Variants in SCRIB observed in about 807,000 individuals in gnomAD.
SCRIB encodes the protein protein scribble homolog.
A neutral mutation model predicts 170.0 loss-of-function variants in SCRIB; 72 were observed. The observed-to-expected ratio is 0.42, with a 90% confidence interval of 0.35 to 0.52. SCRIB has a LOEUF of 0.52. Among genes scored for constraint, SCRIB ranks in the 20% least tolerant of loss-of-function variants. The pLI is 0.02. For missense variants in SCRIB, 2,475 were observed against 2,338.5 expected (o/e 1.06, Z -1.20); for synonymous variants, 1,298 against 1,044.3 (o/e 1.24, Z -4.68).
In SCRIB at chr8:143,793,073, G is replaced by A. The variant is rs781802506; in HGVS notation, c.3920C>T (p.Pro1307Leu). Residue 1307 changes from proline to leucine, a missense_variant, in exon 29 of 37, where the codon CCG becomes CTG. Pro to Leu is a moderately conservative substitution (Grantham distance 98). Around this residue, in one of 3 missense-constraint regions of SCRIB, gnomAD observed 1,966 missense variants for 1,742.9 expected, o/e 1.13. Coordinates refer to ENST00000356994, the MANE Select transcript of SCRIB (RefSeq NM_182706.5). ...CSPSGQQPPSPPSPDELPANV... is the reference protein window; with the variant it reads ...CSPSGQQPPSLPSPDELPANV... ...GGCGGGCAGCTCATCCGGAGAAGGC[G>A]GGGAGGGCGGCTGGGGGGTGGGGCT... is the stretch of plus-strand genomic sequence containing the variant. 3.3e-5 allele frequency: 49 copies of A among 1,481,644 alleles called. No homozygotes were observed. The highest frequency in any genetic ancestry group is 4.0e-4 in the Middle Eastern group (2 of 5,022). The allele number at this position is 1,481,644 out of a possible 1,614,324, so 91.8% of individuals were successfully genotyped here.
intron 8 of SCRIB, 140 bp from the exon 9 acceptor site, chr8:143,812,524 T>A: frequency 1.6e-6 from 1 of 620,426 alleles, no homozygotes; most frequent in Middle Eastern, 3.2e-4. Flanking sequence ...GGACCCTACC[T>A]ACCTTGCCCC....
At chr8:143,810,443 C>A in intron 13 of SCRIB, 36 bp downstream of exon 13, 3 of 1,596,592 alleles carry the variant, frequency 1.9e-6, no homozygotes, top group Non-Finnish European at 2.5e-6. Context: ...GCTCCCGGGT[C>A]AGCGGCCCGC....
chr8:143,803,776 G>A lies in SCRIB; in HGVS notation c.3285C>T (p.Pro1095=). 2 of 1,602,308 alleles carry A rather than the reference G, an allele frequency of 1.2e-6. No individual in the cohort carries two copies. Among genetic ancestry groups the A allele is most frequent in the Non-Finnish European group, 8.5e-7 (1 of 1,179,436 alleles). Residue 1095 remains proline, a synonymous_variant, in exon 23 of 37, where the codon CCC becomes CCT. Coordinates refer to ENST00000356994, the MANE Select transcript of SCRIB (RefSeq NM_182706.5). ...LSLLVRRDPA[P]PGLRELCIQK... ...GGATGCACAGTTCCCGTAGGCCCGG[G>A]GGTGCCGGGTCCCTCCGCACCAGCA...
chr8:143,802,725 C>G (rs988820903), intron 24 of SCRIB, among the ~76,000 whole-genome samples: 2 of 152,238 alleles, frequency 1.3e-5, no homozygotes, highest in Non-Finnish European at 2.9e-5. Context: ...GAGATGGGAG[C>G]CCCCTGAGAC....
Position 143,812,164 on chromosome 8 carries a change from G to C in SCRIB, c.906+102C>G, listed in dbSNP as rs1815761829. ...CCCTTCCTGAGTGGCTCCACGTCAGGCTGCCACCAGCACCCCCCAGCAGCA... is the reference window on the plus strand; with the variant it reads ...CCCTTCCTGAGTGGCTCCACGTCAGCCTGCCACCAGCACCCCCCAGCAGCA... On this transcript the variant is annotated intron_variant, in intron 9 of 36. Coordinates refer to ENST00000356994, the MANE Select transcript of SCRIB (RefSeq NM_182706.5). 1.2e-5 allele frequency: 10 copies of C among 823,740 alleles called. No homozygotes were observed. The East Asian group carries it at 2.4e-4, about 20-fold the overall frequency. 51.0% of individuals were successfully genotyped at this position (823,740 alleles called of 1,614,324 possible).
chr8:143,811,067 T>C lies in SCRIB; in HGVS notation c.1112A>G (p.Gln371Arg). Residue 371 changes from glutamine to arginine, a missense_variant, in exon 11 of 37, where the codon CAG (glutamine) becomes CGG (arginine). Coordinates refer to ENST00000356994, the MANE Select transcript of SCRIB (RefSeq NM_182706.5). ...HVLDVAGNRL[Q>R]SLPFALTHLN... Reference sequence around the variant, plus strand: ...GTGGGTGAGCGCGAACGGCAGACTCTGCAGGCTGCGGGCCGGGCGGGCACA... The same window carrying C: ...GTGGGTGAGCGCGAACGGCAGACTCCGCAGGCTGCGGGCCGGGCGGGCACA... 1 of 1,611,422 alleles carries C rather than the reference T, an allele frequency of 6.2e-7. No individual in the cohort carries two copies. Among genetic ancestry groups the C allele is most frequent in the Non-Finnish European group, 8.5e-7 (1 of 1,179,298 alleles).
In SCRIB at chr8:143,806,952, C is replaced by A; in HGVS notation, c.2240G>T (p.Gly747Val). The A allele has an allele frequency of 1.2e-6, 2 of 1,613,240 alleles. No individual in the cohort carries two copies. Among genetic ancestry groups the A allele is most frequent in the East Asian group, 2.2e-5 (1 of 44,846 alleles). The stretch of plus-strand genomic sequence containing the variant: ...GTCGTCCCCCTTATAGGGTGTGGAG[C>A]CCTTGCCGCCCGCAATGCTGATGCC... Reference protein sequence around the residue: ...GLGISIAGGKGSTPYKGDDEG... With the variant: ...GLGISIAGGKVSTPYKGDDEG... The change falls in exon 17 of 37, where the codon GGC becomes GTC. Residue 747 changes from glycine (G) to valine (V), a missense_variant. Around this residue, in one of 3 missense-constraint regions of SCRIB, gnomAD observed 1,966 missense variants for 1,742.9 expected, o/e 1.13. Transcript: ENST00000356994.
Position 143,810,540 on chromosome 8 carries a change from C to A in SCRIB, c.1469G>T (p.Gly490Val). ...ELKVMKRSIE[G>V]RRSEACPCQP... The stretch of plus-strand genomic sequence containing the variant: ...GCAAGGGCAGGCCTCGCTCCGCCGC[C>A]CCTCGATGCTCCTCTTCATCACCTT... The change falls in exon 13 of 37, where the codon GGG becomes GTG. Residue 490 changes from glycine to valine, a missense_variant. Coordinates refer to ENST00000356994, the MANE Select transcript of SCRIB (RefSeq NM_182706.5). 1 of 1,613,430 alleles carries A rather than the reference C, an allele frequency of 6.2e-7. No homozygotes were observed. Among genetic ancestry groups the A allele is most frequent in the Non-Finnish European group, 8.5e-7 (1 of 1,179,978 alleles).
chr8:143,809,583 C>T lies in SCRIB; in HGVS notation c.1666G>A (p.Gly556Arg), dbSNP rs148934748. ...TAGTCCTCTTCGGCGTCTTCCTCCC[C>T]GCCAGCAGTCGTGGCTTCCTGCTGG... ...GSQQEATTAG[G>R]EEDAEEDYQE... The change falls in exon 14 of 37, where the codon GGG (glycine) becomes AGG (arginine). Residue 556 changes from glycine (G) to arginine (R), a missense_variant. By Grantham distance (125) the Gly-to-Arg change is moderately radical. This residue lies in a region of SCRIB where 1,966 missense variants were observed against 1,742.9 expected (regional missense o/e 1.13). Coordinates refer to ENST00000356994, the MANE Select transcript of SCRIB (RefSeq NM_182706.5). 2.1e-5 allele frequency: 34 copies of T among 1,611,422 alleles called. No individual in the cohort carries two copies. The highest frequency in any genetic ancestry group is 1.1e-4 in the African/African-American group (8 of 74,924).
chr8:143,814,207 G>T, intron 1 of SCRIB, 89 bp from the exon 2 acceptor site: 2 of 1,109,364 alleles, frequency 1.8e-6, no homozygotes, highest in Non-Finnish European at 1.3e-6. Flanking sequence ...CAAGTCAAGA[G>T]TCCCTAGGCC....
At chr8:143,810,078 C>G (rs767719654) in intron 13 of SCRIB, among the ~76,000 whole-genome samples, 5 of 152,140 alleles carry the variant, frequency 3.3e-5, no homozygotes, top group Non-Finnish European at 7.4e-5. Context: ...CTGCTGCACC[C>G]AAAAACCCAC....
intron 34 of SCRIB, 45 bp downstream of exon 34, chr8:143,791,831 C>CG (rs1244764450): frequency 4.6e-6 from 7 of 1,531,414 alleles, no homozygotes; most frequent in Non-Finnish European, 5.3e-6. Context: ...GACCCCACCC[C>CG]CATGCCTCGG....
At chr8:143,804,475 G>A (rs1373065792) in intron 21 of SCRIB, 93 bp downstream of exon 21, 2 of 1,335,684 alleles carry the variant, frequency 1.5e-6, no homozygotes, top group Non-Finnish European at 2.0e-6. Context: ...CCCACCTGGA[G>A]TGGGCCGCAA....
chr8:143,809,662 G>T lies in SCRIB; in HGVS notation c.1587C>A (p.Ser529Arg). The stretch of plus-strand genomic sequence containing the variant: ...CCTCGGGCTCAGCCTCAGAGACTGT[G>T]CTGGCAGATGGGCGAGAGTCTTCAC... ...GLSEDSRPSA[S>R]TVSEAEPEGP... Residue 529 changes from serine to arginine, a missense_variant, in exon 14 of 37, where the codon AGC (serine) becomes AGA (arginine). Transcript: ENST00000356994. 6.2e-7 allele frequency: 1 copy of T among 1,611,364 alleles called. No individual in the cohort carries two copies.
intron 1 of SCRIB, 111 bp from the exon 2 acceptor site, chr8:143,814,229 C>T (rs1586536165): frequency 3.4e-6 from 3 of 874,496 alleles, no homozygotes; most frequent in African/African-American, 3.4e-5. Flanking sequence ...CTGTCTGCTC[C>T]AGGTCACACC....
chr8:143,791,271 A>G lies in SCRIB; in HGVS notation c.4860T>C (p.Leu1620=). The G allele has an allele frequency of 6.5e-7, 1 of 1,534,710 alleles. No individual in the cohort carries two copies. The highest frequency in any genetic ancestry group is 8.8e-7 in the Non-Finnish European group (1 of 1,140,294). The change falls in exon 37 of 37, where the codon CTT becomes CTC. Residue 1620 remains leucine, a synonymous_variant. Coordinates refer to ENST00000356994, the MANE Select transcript of SCRIB (RefSeq NM_182706.5). ...CAGCGCCGGGTGAGGGCCTGCCCAG[A>G]AGCACCAGAGCCACTTCTCCATCCT... The part of the protein sequence containing the change: ...QEEDGEVALV[L]LGRPSPGAVG...
At chr8:143,792,179 C>T (rs1554632926) in intron 32 of SCRIB, 41 bp downstream of exon 32, 3 of 1,558,058 alleles carry the variant, frequency 1.9e-6, no homozygotes, top group African/African-American at 1.4e-5. Context: ...GGAGCAGGGA[C>T]AGGCAGCAGG....
At chr8:143,804,279 G>T in intron 21 of SCRIB, 123 bp from the exon 22 acceptor site, 1 of 760,012 alleles carries the variant, frequency 1.3e-6, no homozygotes, top group Non-Finnish European at 2.1e-6. Context: ...AATGCCCACG[G>T]GGATTTCTGC....
At chr8:143,794,287 G>A in intron 27 of SCRIB, 1 of 355,146 alleles carries the variant, frequency 2.8e-6, no homozygotes, top group East Asian at 4.4e-5. Context: ...CAGAGGTGAT[G>A]GTGGGGAGCC....
Sources: gnomAD v4.1 joint callset for allele counts (sites outside exome capture counted in the v4.1 genomes callset) on GRCh38, gnomAD v4.1.1 for gene constraint, gnomAD v4.1.1 regional missense constraint, MANE v1.5 for transcripts, NCBI Gene and HGNC (gene_info 2026-07-23, HGNC 2026-07-21) for gene names.